Variants in PITPNM3 observed in about 807,000 individuals in gnomAD.
PITPNM3 encodes the protein membrane-associated phosphatidylinositol transfer protein 3.
PITPNM3 carries 26 observed loss-of-function variants against 102.0 expected under a neutral mutation model. The ratio of observed to expected loss-of-function variants is 0.25; its 90% CI spans 0.19 to 0.35. PITPNM3 has a LOEUF of 0.35. Among genes scored for constraint, PITPNM3 ranks in the 10% least tolerant of loss-of-function variants. The pLI, the probability that PITPNM3 is intolerant of heterozygous loss-of-function variation, is 1.00. For missense variants in PITPNM3, 1,083 were observed against 1,346.1 expected (o/e 0.80, Z 3.06); for synonymous variants, 578 against 558.6 (o/e 1.03, Z -0.49).
chr17:6,508,740 G>T (rs1412274037), intron 3 of PITPNM3, among the ~76,000 whole-genome samples: 1 of 152,192 alleles, frequency 6.6e-6, no homozygotes, highest in Non-Finnish European at 1.5e-5. Flanking sequence ...TCCCAGGGCT[G>T]GTGAGGCCAC....
In PITPNM3 at chr17:6,472,306, C is replaced by T. The variant is rs553329420; in HGVS notation, c.1429+351G>A. 3.3e-5 allele frequency among the ~76,000 whole-genome samples: 5 copies of T among 152,206 alleles called. No individual in the cohort carries two copies. Among genetic ancestry groups the T allele is most frequent in the Non-Finnish European group, 7.3e-5 (5 of 68,040 alleles). Reference sequence around the variant, plus strand: ...TCTTCCATGAAGCCCACCAGGATGGCACACTCTCTGCCCTACCCCTTCAGA... The same window carrying T: ...TCTTCCATGAAGCCCACCAGGATGGTACACTCTCTGCCCTACCCCTTCAGA... On this transcript the variant is annotated intron_variant, in intron 11 of 19. Coordinates refer to ENST00000262483, the MANE Select transcript of PITPNM3 (RefSeq NM_031220.4). The surrounding 1 kb of genome is among the most constrained non-coding windows in gnomAD (Gnocchi z 4.1).
Position 6,552,664 on chromosome 17 carries a change from C to T in PITPNM3, c.22+3721G>A, listed in dbSNP as rs560002255. Among the ~76,000 whole-genome samples the T allele has an allele frequency of 1.7e-3, 255 of 152,284 alleles. 1 individual carries two copies. The Middle Eastern group carries it at 0.017, about 10-fold the overall frequency. ...TTCCACCCCTACCCATAGCAGTCCT[C>T]CCACACTTACACATGTGCCTCTTCC... On this transcript the variant is annotated intron_variant, in intron 1 of 19. Transcript: ENST00000262483.
chr17:6,472,824 A>G lies in PITPNM3; in HGVS notation c.1262T>C (p.Phe421Ser). The change falls in exon 11 of 20, where the codon TTC becomes TCC. Residue 421 changes from phenylalanine (F) to serine (S), a missense_variant. By Grantham distance (155) the Phe-to-Ser change is radical. This residue lies in a region of PITPNM3 where 410 missense variants were observed against 638.4 expected (regional missense o/e 0.64). Coordinates refer to ENST00000262483, the MANE Select transcript of PITPNM3 (RefSeq NM_031220.4). This position sits in a 1 kb window ranked among gnomAD's most constrained non-coding sequence, Gnocchi z 4.1. ...RRTVLPGLDG[F>S]QVRPACSQVY... ...CTGGCTGCAGGCAGGACGCACCTGG[A>G]AGCCTGGGGTGAGTGGGAAGACAGA... 1 of 1,613,992 alleles carries G rather than the reference A, an allele frequency of 6.2e-7. No homozygotes were observed. The highest frequency in any genetic ancestry group is 8.5e-7 in the Non-Finnish European group (1 of 1,179,938).
rs1904884940 is a variant in PITPNM3 at position 6,468,246 on chromosome 17, C to T, written c.1869G>A (p.Lys623=). Residue 623 remains lysine, a synonymous_variant, in exon 14 of 20, where the codon AAG becomes AAA. Transcript: ENST00000262483. The surrounding 1 kb of genome is among the most constrained non-coding windows in gnomAD (Gnocchi z 5.2). Reference sequence around the variant, plus strand: ...GCACCCTCAGCTTGACCTGAGTCCGCTTACGAAGCCACTTCTCCCGGGGGT... The same window carrying T: ...GCACCCTCAGCTTGACCTGAGTCCGTTTACGAAGCCACTTCTCCCGGGGGT... ...PANPREKWLR[K]RTQVKLRNVT... 6.2e-7 allele frequency: 1 copy of T among 1,613,550 alleles called. No individual in the cohort carries two copies. The highest frequency in any genetic ancestry group is 8.5e-7 in the Non-Finnish European group (1 of 1,180,024).
chr17:6,508,773 G>A (rs1046848577), intron 3 of PITPNM3, among the ~76,000 whole-genome samples: 2 of 152,192 alleles, frequency 1.3e-5, no homozygotes, highest in Non-Finnish European at 2.9e-5. Context: ...GAATAAGCCT[G>A]CTGTTTGATG....
chr17:6,491,478 T>A (rs955676814), intron 4 of PITPNM3, among the ~76,000 whole-genome samples: 14 of 152,090 alleles, frequency 9.2e-5, no homozygotes, highest in African/African-American at 3.4e-4. Flanking sequence ...CAATGAAAGT[T>A]CCCTTAGGAG....
intron 3 of PITPNM3, among the ~76,000 whole-genome samples, chr17:6,511,110 G>A (rs1045847620): frequency 2.6e-5 from 4 of 152,202 alleles, no homozygotes; most frequent in African/African-American, 9.6e-5. Flanking sequence ...TTTGATTCCT[G>A]TAGTGATAGG....
At position 6,478,568 on chromosome 17, in the gene PITPNM3, A is replaced by C; in HGVS notation, c.756T>G (p.Asp252Glu). 1 of 1,614,088 alleles carries C rather than the reference A, an allele frequency of 6.2e-7. No individual in the cohort carries two copies. The highest frequency in any genetic ancestry group is 8.5e-7 in the Non-Finnish European group (1 of 1,180,026). ...QVYREFLKSSDGIGFSGQVCL... is the reference protein window; with the variant it reads ...QVYREFLKSSEGIGFSGQVCL... ...CTACCTGCCCACTGAAGCCAATCCC[A>C]TCAGAGGACTTCAGGAACTCTCTGT... The change falls in exon 7 of 20, where the codon GAT becomes GAG. Residue 252 changes from aspartate (D) to glutamate (E), a missense_variant. By Grantham distance (45) the Asp-to-Glu change is conservative. Around this residue, in one of 5 missense-constraint regions of PITPNM3, gnomAD observed 290 missense variants for 337.8 expected, o/e 0.86. Coordinates refer to ENST00000262483, the MANE Select transcript of PITPNM3 (RefSeq NM_031220.4). This position sits in a 1 kb window ranked among gnomAD's most constrained non-coding sequence, Gnocchi z 4.4.
chr17:6,549,572 GCCTCCACAGGCACACGTGGGA>G (rs969695358), intron 1 of PITPNM3, among the ~76,000 whole-genome samples: 3 of 152,196 alleles, frequency 2.0e-5, no homozygotes, highest in Non-Finnish European at 4.4e-5. Flanking sequence ...AGCTGTGCAG[GCCTCCACAGGCACACGTGGGA>G]CCCTGGAGGT....
chr17:6,534,719 G>A (rs1490622924), intron 2 of PITPNM3, among the ~76,000 whole-genome samples: 1 of 152,188 alleles, frequency 6.6e-6, no homozygotes, highest in Non-Finnish European at 1.5e-5. Context: ...ACCTAGCTAC[G>A]CAGTTTCTTC....
At chr17:6,527,001 T>C (rs1004308756) in intron 2 of PITPNM3, among the ~76,000 whole-genome samples, 1 of 152,206 alleles carries the variant, frequency 6.6e-6, no homozygotes, top group Non-Finnish European at 1.5e-5. Context: ...GTTTATTCTG[T>C]GCTGGGCAGG....
At chr17:6,484,720 G>T (rs1052629466) in intron 4 of PITPNM3, among the ~76,000 whole-genome samples, 4 of 152,210 alleles carry the variant, frequency 2.6e-5, no homozygotes, top group Non-Finnish European at 1.5e-5. Flanking sequence ...ACTCTTGACT[G>T]GGCTGAGAGG....
chr17:6,531,119 T>C (rs922333245), intron 2 of PITPNM3, among the ~76,000 whole-genome samples: 6 of 152,252 alleles, frequency 3.9e-5, no homozygotes, highest in Non-Finnish European at 8.8e-5. Context: ...GTACAAATAA[T>C]TGGATATTGT....
At chr17:6,539,212 G>C (rs776165441) in intron 1 of PITPNM3, among the ~76,000 whole-genome samples, 1 of 118,118 alleles carries the variant, frequency 8.5e-6, no homozygotes. Flanking sequence ...CTGATCCCCT[G>C]TCTCTACCAG....
At chr17:6,475,470 C>G (rs907932921) in intron 9 of PITPNM3, among the ~76,000 whole-genome samples, 1 of 152,200 alleles carries the variant, frequency 6.6e-6, no homozygotes, top group Non-Finnish European at 1.5e-5. Flanking sequence ...GGAGAACAAA[C>G]TTTAGAAAGA....
intron 3 of PITPNM3, among the ~76,000 whole-genome samples, chr17:6,514,539 A>T (rs1908045489): frequency 6.6e-6 from 1 of 152,256 alleles, no homozygotes; most frequent in South Asian, 2.1e-4. Flanking sequence ...AATGAAGATC[A>T]AAACCGCAAT....
At chr17:6,529,431 A>G (rs1287402114) in intron 2 of PITPNM3, among the ~76,000 whole-genome samples, 3 of 152,022 alleles carry the variant, frequency 2.0e-5, no homozygotes, top group African/African-American at 7.2e-5. Flanking sequence ...CATCTCTACT[A>G]AAAATACAAA....
chr17:6,505,603 C>T (rs921626417), intron 3 of PITPNM3, among the ~76,000 whole-genome samples: 5 of 152,206 alleles, frequency 3.3e-5, no homozygotes, highest in Admixed American at 6.5e-5. Flanking sequence ...GGTCAGGGAG[C>T]GAAGACCAGC....
intron 2 of PITPNM3, among the ~76,000 whole-genome samples, chr17:6,533,523 C>T (rs1463563163): frequency 3.3e-5 from 5 of 151,994 alleles, no homozygotes; most frequent in African/African-American, 4.8e-5. Flanking sequence ...GTCATGATCT[C>T]GGCTCACTGC....
Sources: allele counts gnomAD v4.1 joint callset (sites outside exome capture counted in the v4.1 genomes callset), GRCh38; gene constraint gnomAD v4.1.1; regional missense constraint gnomAD v4.1.1; non-coding constraint Gnocchi (gnomAD v3.1); transcripts MANE v1.5; gene names NCBI Gene and HGNC (gene_info 2026-07-23, HGNC 2026-07-21).